UBE2A: variants seen among roughly 807,000 people sequenced by gnomAD.
UBE2A encodes the protein ubiquitin-conjugating enzyme E2 A.
For synonymous variants in UBE2A, 39 were observed against 41.1 expected, an observed-to-expected ratio of 0.95 and a Z score of 0.20; for missense variants, 27 against 125.8, an observed-to-expected ratio of 0.21 and a Z score of 3.76.
In UBE2A at chrX:119,583,371, G is replaced by C; in HGVS notation, c.*116G>C. 9.2e-7 allele frequency: 1 copy of C among 1,081,910 alleles called. No individual in the cohort carries two copies. Among genetic ancestry groups the C allele is most frequent in the Non-Finnish European group, 1.3e-6 (1 of 788,162 alleles). The allele number at this position is 1,081,910 out of a possible 1,213,427, so 89.2% of individuals were successfully genotyped here. A position where few individuals can be genotyped will look rare whatever the true frequency, so the allele number is the denominator to read the frequency against. On this transcript the variant is annotated 3_prime_UTR_variant, in exon 6 of 6. Transcript: ENST00000371558. ...TTAAAAGCAAAATAACTGTTGTGCT[G>C]TTTCCATCTTCCTTGCCAAGTTTTC...
chrX:119,576,452 A>T (rs970630178), intron 3 of UBE2A, among the ~76,000 whole-genome samples: 2 of 111,257 alleles, frequency 1.8e-5, no homozygotes, highest in Non-Finnish European at 3.8e-5. Context: ...AAGGAAAAGG[A>T]TCTTTCTGTT....
chrX:119,574,873 A>G, intron 1 of UBE2A, 28 bp from the exon 2 acceptor site: 1 of 1,210,159 alleles, frequency 8.3e-7, no homozygotes, highest in Non-Finnish European at 1.1e-6. Context: ...GTGCCGGCCT[A>G]GGGGGACCCC....
At chrX:119,578,068 C>A (rs919392165) in intron 3 of UBE2A, among the ~76,000 whole-genome samples, 3 of 111,334 alleles carry the variant, frequency 2.7e-5, no homozygotes, top group African/African-American at 9.8e-5. Flanking sequence ...ATTAAGAACC[C>A]CAAAACTACT....
chrX:119,575,516 G>C, intron 3 of UBE2A, 116 bp downstream of exon 3: 1 of 988,884 alleles, frequency 1.0e-6, no homozygotes, highest in Non-Finnish European at 1.4e-6. Context: ...GCCTCTGTCT[G>C]CTAAAGGCTT....
intron 2 of UBE2A, 60 bp downstream of exon 2, chrX:119,575,041 G>T: frequency 8.5e-7 from 1 of 1,177,861 alleles, no homozygotes; most frequent in Non-Finnish European, 1.2e-6. Context: ...TTCGGTCTGC[G>T]CTCCGGGGCG....
At position 119,582,667 on chromosome X, in the gene UBE2A, A is replaced by G. The variant is rs61757566; in HGVS notation, c.321A>G (p.Thr107=). ...SPTYDVSSIL[T]SIQSLLDEPN... ...CCTATGATGTGTCTTCCATTCTAACATCCATACAGGTGAATTTTTCCTTAA... is the reference window on the plus strand; with the variant it reads ...CCTATGATGTGTCTTCCATTCTAACGTCCATACAGGTGAATTTTTCCTTAA... The change falls in exon 5 of 6, where the codon ACA becomes ACG. Residue 107 remains threonine, a synonymous_variant. Coordinates refer to ENST00000371558, the MANE Select transcript of UBE2A (RefSeq NM_003336.4). 831 of 1,200,221 alleles carry G rather than the reference A, an allele frequency of 6.9e-4. 1 individual carries two copies. The highest frequency in any genetic ancestry group is 3.9e-3 in the Middle Eastern group (17 of 4,346).
chrX:119,575,559 G>C (rs2053410961), intron 3 of UBE2A, 159 bp downstream of exon 3: 2 of 646,716 alleles, frequency 3.1e-6, no homozygotes, highest in Middle Eastern at 3.2e-4. Context: ...GGTGGTTCTG[G>C]ATATTGTATG....
intron 3 of UBE2A, among the ~76,000 whole-genome samples, chrX:119,576,052 T>C (rs1304108522): frequency 8.9e-6 from 1 of 112,440 alleles, no homozygotes; most frequent in Admixed American, 9.4e-5. Flanking sequence ...AAGTTAGCCT[T>C]AATGTACCCT....
At chrX:119,581,323 A>C in intron 3 of UBE2A, 184 bp from the exon 4 acceptor site, 1 of 335,438 alleles carries the variant, frequency 3.0e-6, no homozygotes. Context: ...TGGCAAAACA[A>C]AAAATCACAT....
At chrX:119,577,921 C>CA (rs1270639390) in intron 3 of UBE2A, among the ~76,000 whole-genome samples, 1 of 111,295 alleles carries the variant, frequency 9.0e-6, no homozygotes, top group Non-Finnish European at 1.9e-5. Context: ...TGATTACAGG[C>CA]ATGAGCAGCC....
chrX:119,575,964 C>G (rs763856756), intron 3 of UBE2A, among the ~76,000 whole-genome samples: 12 of 112,053 alleles, frequency 1.1e-4, no homozygotes, highest in Admixed American at 6.6e-4. Context: ...AGTATTCTTT[C>G]TTATTTTTAA....
rs1336268462 is a variant in UBE2A, at chrX:119,583,763, C to T, written c.*508C>T. 2.4e-5 allele frequency: 3 copies of T among 123,497 alleles called. No homozygotes were observed. The highest frequency in any genetic ancestry group is 8.2e-5 in the Admixed American group (1 of 12,159). 10.2% of individuals were successfully genotyped at this position (123,497 alleles called of 1,213,427 possible). A position where few individuals can be genotyped will look rare whatever the true frequency, so the allele number is the denominator to read the frequency against. On this transcript the variant is annotated 3_prime_UTR_variant, in exon 6 of 6. Transcript: ENST00000371558. ...TGAAGGAGGCATGGGAGCTAAAAAT[C>T]CTGTGATACTAAGATCTCAGTCATA...
intron 1 of UBE2A, 69 bp downstream of exon 1, chrX:119,574,824 G>GGGCGGGGAGGGCTGGGGAGC (rs1471817891): frequency 2.5e-6 from 3 of 1,198,035 alleles, no homozygotes; most frequent in Admixed American, 2.2e-5. Context: ...GAGGCGCGCC[G>GGGCGGGGAGGGCTGGGGAGC]GGCGGGGAGG....
intron 2 of UBE2A, 73 bp from the exon 3 acceptor site, chrX:119,575,302 A>T (rs1342482968): frequency 6.8e-6 from 8 of 1,180,374 alleles, no homozygotes; most frequent in Non-Finnish European, 9.2e-6. Flanking sequence ...AGAGCTCGGG[A>T]TAGCCATCTC....
chrX:119,576,197 A>C (rs2053414518), intron 3 of UBE2A, among the ~76,000 whole-genome samples: 1 of 111,628 alleles, frequency 9.0e-6, no homozygotes, highest in Non-Finnish European at 1.9e-5. Context: ...ATAATTATAG[A>C]TTCATATGCA....
chrX:119,578,442 T>C (rs1176652160), intron 3 of UBE2A, among the ~76,000 whole-genome samples: 1 of 111,771 alleles, frequency 8.9e-6, no homozygotes, highest in Non-Finnish European at 1.9e-5. Context: ...TTGGAAATGT[T>C]TCTGAGTCAT....
At chrX:119,576,907 T>C (rs2053419436) in intron 3 of UBE2A, 1 of 111,954 alleles carries the variant, frequency 8.9e-6, no homozygotes, top group African/African-American at 3.2e-5. Flanking sequence ...TGGCACTAGT[T>C]TTTTTGTTTG....
At chrX:119,575,112 C>T (rs35923694) in intron 2 of UBE2A, 131 bp downstream of exon 2, 26,743 of 890,133 alleles carry the variant, frequency 0.03, 331 homozygotes, top group Non-Finnish European at 0.037. Context: ...GGCCTAGGCG[C>T]CTCCCCGGAG....
At chrX:119,580,304 T>C (rs991057208) in intron 3 of UBE2A, 4 of 112,240 alleles carry the variant, frequency 3.6e-5, no homozygotes, top group Admixed American at 1.9e-4. Flanking sequence ...TTTGATACTG[T>C]TTTGTCACAG....
Sources: gnomAD v4.1 joint callset for allele counts (sites outside exome capture counted in the v4.1 genomes callset) on GRCh38, gnomAD v4.1.1 for gene constraint, MANE v1.5 for transcripts, NCBI Gene and HGNC (gene_info 2026-07-23, HGNC 2026-07-21) for gene names.